TDRD12: variants seen among roughly 807,000 people sequenced by gnomAD.
TDRD12 encodes the protein putative ATP-dependent RNA helicase TDRD12.
TDRD12 carries 158 observed loss-of-function variants against 133.5 expected under a neutral mutation model. The ratio of observed to expected loss-of-function variants is 1.18; its 90% CI spans 1.04 to 1.35. The LOEUF (loss-of-function observed/expected upper bound fraction) is 1.35, where lower values mean the gene tolerates loss of function less well. Among genes scored for constraint, TDRD12 ranks in the 40% most tolerant of loss-of-function variants. The pLI is 0.00. For missense variants in TDRD12, 1,443 were observed against 1,321.3 expected (o/e 1.09, Z -1.43); for synonymous variants, 460 against 477.9 (o/e 0.96, Z 0.49).
intron 8 of TDRD12, among the ~76,000 whole-genome samples, chr19:32,770,080 G>C: frequency 6.7e-6 from 1 of 150,266 alleles, no homozygotes; most frequent in East Asian, 2.0e-4. Flanking sequence ...GATCATGGCT[G>C]ACTGCAGCCT....
chr19:32,826,469 C>T, exon 9 of TDRD12: 2 of 1,244,052 alleles, frequency 1.6e-6, no homozygotes. Flanking sequence ...ACAAATTTTA[C>T]CTGGCTGATC....
At chr19:32,823,656 G>T (rs561160748), downstream of TDRD12, among the ~76,000 whole-genome samples, 3 of 152,284 alleles carry the variant, frequency 2.0e-5, no homozygotes, top group South Asian at 4.2e-4. Flanking sequence ...TGGCCACAGC[G>T]GGGGGCAGCT....
At chr19:32,812,827 T>C (rs1967052891) in intron 24 of TDRD12, among the ~76,000 whole-genome samples, 1 of 152,188 alleles carries the variant, frequency 6.6e-6, no homozygotes, top group Non-Finnish European at 1.5e-5. Flanking sequence ...TGTGAAAATG[T>C]GTGTGAGAGG....
At chr19:32,819,144 C>G (rs1367957770) in intron 27 of TDRD12, among the ~76,000 whole-genome samples, 1 of 152,054 alleles carries the variant, frequency 6.6e-6, no homozygotes, top group East Asian at 1.9e-4. Context: ...TAGCAAGACC[C>G]TGTCTCTACT....
chr19:32,737,486 T>C (rs1384465054), intron 2 of TDRD12, among the ~76,000 whole-genome samples: 1 of 152,084 alleles, frequency 6.6e-6, no homozygotes, highest in Non-Finnish European at 1.5e-5. Context: ...ACCACAGGCG[T>C]GAACCACCAT....
intron 1 of TDRD12, among the ~76,000 whole-genome samples, chr19:32,724,344 C>T (rs568292891): frequency 3.9e-5 from 6 of 152,116 alleles, no homozygotes; most frequent in African/African-American, 1.2e-4. Flanking sequence ...TATTAAGCCC[C>T]GCATGTATTA....
At chr19:32,821,195 T>C (rs1219049867) in exon 28 of TDRD12, 3 of 1,379,186 alleles carry the variant, frequency 2.2e-6, no homozygotes, top group African/African-American at 2.9e-5. Flanking sequence ...GTCTGGAAAA[T>C]TGCTAATGTT....
exon 15 of TDRD12, chr19:32,797,742 C>T: frequency 4.4e-6 from 3 of 686,726 alleles, no homozygotes; most frequent in Non-Finnish European, 7.9e-6. Context: ...CAGCCTCTCG[C>T]AGTCATCGTG....
At chr19:32,806,305 C>T (rs1971545942) in intron 21 of TDRD12, among the ~76,000 whole-genome samples, 1 of 149,918 alleles carries the variant, frequency 6.7e-6, no homozygotes, top group South Asian at 2.1e-4. Context: ...GTGTTACTAG[C>T]AGTATTCCTA....
chr19:32,764,248 C>A (rs570310307), intron 8 of TDRD12, among the ~76,000 whole-genome samples: 2 of 151,576 alleles, frequency 1.3e-5, no homozygotes, highest in East Asian at 3.9e-4. Flanking sequence ...GCAGCTGGGA[C>A]TACAGGCGCC....
rs140007810 is a variant in TDRD12 at position 32,726,445 on chromosome 19, A to G, written c.25-5280A>G. Among the ~76,000 whole-genome samples, 436 of 152,278 alleles carry G rather than the reference A, an allele frequency of 2.9e-3. 2 individuals carry two copies. Among genetic ancestry groups the G allele is most frequent in the African/African-American group, 9.8e-3 (408 of 41,562 alleles). On this transcript the variant is annotated intron_variant, in intron 1 of 27. Coordinates refer to ENST00000444215, the Ensembl canonical transcript of TDRD12. ...CTCCAGAAGTCTTTTTCCTTTTGCA[A>G]AACTGAAACTCTGCTTTCTCTATGA...
At chr19:32,794,167 A>G (rs1448540582) in intron 13 of TDRD12, among the ~76,000 whole-genome samples, 2 of 125,882 alleles carry the variant, frequency 1.6e-5, no homozygotes, top group African/African-American at 6.3e-5. Flanking sequence ...GTGCAGTGGC[A>G]CAGTCTTGGC....
intron 2 of TDRD12, 21 bp downstream of exon 2, chr19:32,731,904 T>C (rs1407632937): frequency 6.6e-7 from 1 of 1,519,450 alleles, no homozygotes; most frequent in South Asian, 1.3e-5. Context: ...AAATGTTCTT[T>C]AATCACTGTG....
chr19:32,769,855 C>T (rs1295145775), intron 8 of TDRD12, among the ~76,000 whole-genome samples: 2 of 151,992 alleles, frequency 1.3e-5, no homozygotes, highest in Non-Finnish European at 2.9e-5. Flanking sequence ...AGGCTGGTCT[C>T]GAACTCCCGA....
At position 32,801,843 on chromosome 19, in the gene TDRD12, A is replaced by T. The variant is rs950657616; in HGVS notation, c.2167A>T (p.Lys723Ter). 4.8e-6 allele frequency: 7 copies of T among 1,447,240 alleles called. No homozygotes were observed. The highest frequency in any genetic ancestry group is 2.5e-5 in the East Asian group (1 of 39,342). The allele number at this position is 1,447,240 out of a possible 1,614,324, so 89.6% of individuals were successfully genotyped here. Residue 723 changes from lysine to a stop codon, truncating the protein, a stop_gained, in exon 19 of 28, where the codon AAG becomes TAG. Coordinates refer to ENST00000444215, the Ensembl canonical transcript of TDRD12. LOFTEE classifies it high-confidence loss of function. ...AAATGTTTTAGAACAGTGGAAGAAGAAGTTAAGTTCTGGCTCTCAAATTAT... is the reference window on the plus strand; with the variant it reads ...AAATGTTTTAGAACAGTGGAAGAAGTAGTTAAGTTCTGGCTCTCAAATTAT...
At chr19:32,733,895 A>ATTT (rs61612791) in intron 2 of TDRD12, among the ~76,000 whole-genome samples, 28 of 142,414 alleles carry the variant, frequency 2.0e-4, no homozygotes, top group African/African-American at 3.9e-4. Context: ...TAATTAATTA[A>ATTT]TTTTTTTTTT....
chr19:32,800,533 A>G, intron 17 of TDRD12, 111 bp from the exon 18 acceptor site: 1 of 1,003,582 alleles, frequency 1.0e-6, no homozygotes, highest in Non-Finnish European at 1.4e-6. Context: ...ATTTAAATTT[A>G]TATTGATTTC....
chr19:32,783,452 T>C (rs1282677531), intron 11 of TDRD12, among the ~76,000 whole-genome samples: 1 of 152,208 alleles, frequency 6.6e-6, no homozygotes. Context: ...TGTGGGCTCA[T>C]TTTTGGTTCC....
chr19:32,827,243 TGA>T, exon 10 of TDRD12: 6 of 1,231,810 alleles, frequency 4.9e-6, no homozygotes, highest in African/African-American at 1.6e-5. Flanking sequence ...ATGACGACAG[TGA>T]GAGTGAAAGA....
Sources: allele counts gnomAD v4.1 joint callset (sites outside exome capture counted in the v4.1 genomes callset), GRCh38; gene constraint gnomAD v4.1.1; transcripts MANE v1.5; gene names NCBI Gene and HGNC (gene_info 2026-07-23, HGNC 2026-07-21).